The following RBPJ variants were observed in gnomAD, a reference collection of about 807,000 sequenced individuals.
The protein encoded by RBPJ is recombination signal binding protein for immunoglobulin kappa J region, also known as recombining binding protein suppressor of hairless.
Under a neutral mutation model 67.8 loss-of-function variants are expected in RBPJ, and 9 were observed. The observed-to-expected ratio is 0.13, with a 90% confidence interval of 0.08 to 0.23. The LOEUF is 0.23. Ranked by LOEUF, RBPJ falls within the 10% of genes least tolerant of loss-of-function variation. The pLI, the probability that RBPJ is intolerant of heterozygous loss-of-function variation, is 1.00. For synonymous variants in RBPJ, 198 were observed against 203.3 expected (o/e 0.97, Z 0.22); for missense variants, 305 against 595.6 (o/e 0.51, Z 5.08).
intron 1 of RBPJ, among the ~76,000 whole-genome samples, chr4:26,326,980 A>C (rs1723688088): frequency 6.6e-6 from 1 of 152,168 alleles, no homozygotes; most frequent in African/African-American, 2.4e-5. Flanking sequence ...GAATGTTGTC[A>C]TTGAGTCACC....
chr4:26,433,297 A>T lies in RBPJ; in HGVS notation c.*2290A>T, dbSNP rs1736393000. 6.6e-6 allele frequency: 1 copy of T among 152,152 alleles called. No homozygotes were observed. Among genetic ancestry groups the T allele is most frequent in the African/African-American group, 2.4e-5 (1 of 41,434 alleles). The allele number at this position is 152,152 out of a possible 1,614,324, so 9.4% of individuals were successfully genotyped here. A position where few individuals can be genotyped will look rare whatever the true frequency, so the allele number is the denominator to read the frequency against. The stretch of plus-strand genomic sequence containing the variant: ...TCTCTATGGAGTCATGGCAGGAATC[A>T]TTACACAGTGCTTTTGTTCAGAGCA... On this transcript the variant is annotated 3_prime_UTR_variant, in exon 11 of 11. Coordinates refer to ENST00000355476, the MANE Select transcript of RBPJ (RefSeq NM_015874.6).
At chr4:26,119,059 G>A in the RBPJ span, among the ~76,000 whole-genome samples, 249 of 152,204 alleles carry the variant, frequency 1.6e-3, no homozygotes, top group African/African-American at 5.6e-3. Context: ...GCATTGATCC[G>A]GGTCTCAGTT....
intron 1 of RBPJ, among the ~76,000 whole-genome samples, chr4:26,274,894 A>AT (rs1721028042): frequency 6.6e-6 from 1 of 152,074 alleles, no homozygotes; most frequent in Non-Finnish European, 1.5e-5. Flanking sequence ...AGATCACGCC[A>AT]TTGCATGATC....
At chr4:26,144,026 C>T in the RBPJ span, among the ~76,000 whole-genome samples, 1 of 151,982 alleles carries the variant, frequency 6.6e-6, no homozygotes, top group Non-Finnish European at 1.5e-5. Context: ...AAAAGATAAA[C>T]TTTATATTAT....
At chr4:26,107,811 T>C in the RBPJ span, among the ~76,000 whole-genome samples, 3 of 152,258 alleles carry the variant, frequency 2.0e-5, no homozygotes, top group South Asian at 6.2e-4. Context: ...GGCAAGAGAA[T>C]CACTTGAACC....
At chr4:26,142,917 G>T in the RBPJ span, among the ~76,000 whole-genome samples, 1 of 152,288 alleles carries the variant, frequency 6.6e-6, no homozygotes, top group Admixed American at 6.5e-5. Flanking sequence ...AGGTAGCTGG[G>T]ATTACAGGCA....
chr4:26,319,713 G>A, upstream of RBPJ: 2 of 720,048 alleles, frequency 2.8e-6, no homozygotes, highest in South Asian at 3.0e-5. Flanking sequence ...TGCCCGCATT[G>A]GGTACATGCG....
At chr4:26,204,551 G>A (rs936230094) in intron 1 of RBPJ, among the ~76,000 whole-genome samples, 1 of 152,178 alleles carries the variant, frequency 6.6e-6, no homozygotes, top group African/African-American at 2.4e-5. Flanking sequence ...GGGACTACTC[G>A]TGGGTAGCCT....
chr4:26,289,032 A>T (rs75950930), intron 1 of RBPJ, among the ~76,000 whole-genome samples: 3 of 151,054 alleles, frequency 2.0e-5, no homozygotes, highest in Non-Finnish European at 4.4e-5. Flanking sequence ...ATTTTATTAA[A>T]TTTTTTTATG....
intron 1 of RBPJ, among the ~76,000 whole-genome samples, chr4:26,326,277 A>G (rs1723621591): frequency 6.6e-6 from 1 of 152,132 alleles, no homozygotes; most frequent in Non-Finnish European, 1.5e-5. Flanking sequence ...GCCACAAGCA[A>G]TCTCATAGCC....
At chr4:26,315,746 C>T (rs1238251644), upstream of RBPJ, among the ~76,000 whole-genome samples, 2 of 152,020 alleles carry the variant, frequency 1.3e-5, no homozygotes, top group African/African-American at 2.4e-5. Flanking sequence ...TTATTTCAAC[C>T]ACATAAGACA....
At chr4:26,340,881 A>G (rs568006083) in intron 1 of RBPJ, among the ~76,000 whole-genome samples, 6 of 152,102 alleles carry the variant, frequency 3.9e-5, no homozygotes, top group Admixed American at 6.5e-5. Context: ...AGAAAAAAAA[A>G]AAAGAAAGAA....
chr4:26,167,356 T>G, intron 1 of RBPJ, among the ~76,000 whole-genome samples: 1 of 151,894 alleles, frequency 6.6e-6, no homozygotes. Flanking sequence ...GAGCATGGAA[T>G]GTTCTTCCAT....
chr4:26,297,360 GAGAA>G (rs907513360), intron 1 of RBPJ, among the ~76,000 whole-genome samples: 5 of 108,258 alleles, frequency 4.6e-5, no homozygotes, highest in East Asian at 2.2e-4. Context: ...GTGTGTACGA[GAGAA>G]AGAGAGAGAG....
chr4:26,296,176 T>C (rs1026133729), intron 1 of RBPJ, among the ~76,000 whole-genome samples: 1 of 152,240 alleles, frequency 6.6e-6, no homozygotes, highest in Non-Finnish European at 1.5e-5. Flanking sequence ...AGCTTCCTGA[T>C]GTAATTTCTT....
At chr4:26,353,637 T>G (rs1019116314) in intron 1 of RBPJ, among the ~76,000 whole-genome samples, 14 of 150,608 alleles carry the variant, frequency 9.3e-5, no homozygotes, top group Admixed American at 8.7e-4. Flanking sequence ...GACAGAGTCT[T>G]GCTCTGTCAC....
At chr4:26,370,680 T>C (rs914158019) in intron 1 of RBPJ, among the ~76,000 whole-genome samples, 1 of 152,220 alleles carries the variant, frequency 6.6e-6, no homozygotes, top group African/African-American at 2.4e-5. Context: ...AACAGTAAGC[T>C]ATAGTGTTGT....
At chr4:26,270,437 GAAGA>G (rs1553855392) in intron 1 of RBPJ, among the ~76,000 whole-genome samples, 888 of 30,176 alleles carry the variant, frequency 0.029, 97 homozygotes, top group Middle Eastern at 0.089. Flanking sequence ...AAGAAAGAAA[GAAGA>G]AAGAAAGAAA....
chr4:26,319,203 G>A (rs1722782114), upstream of RBPJ, among the ~76,000 whole-genome samples: 2 of 152,014 alleles, frequency 1.3e-5, no homozygotes, highest in South Asian at 4.1e-4. Flanking sequence ...GGCTTGTGGA[G>A]GGCGACAGGA....
Sources: gnomAD v4.1 joint callset for allele counts (sites outside exome capture counted in the v4.1 genomes callset) on GRCh38, gnomAD v4.1.1 for gene constraint, MANE v1.5 for transcripts, NCBI Gene and HGNC (gene_info 2026-07-23, HGNC 2026-07-21) for gene names.